Variants in ARHGAP24 observed in about 807,000 individuals in gnomAD.
The protein encoded by ARHGAP24 is Rho GTPase activating protein 24.
A neutral mutation model predicts 76.4 loss-of-function variants in ARHGAP24; 50 were observed. That is an observed-to-expected ratio of 0.65 (90% CI 0.52 to 0.83). The LOEUF (loss-of-function observed/expected upper bound fraction) is 0.83. Ranked by LOEUF, ARHGAP24 falls within the 40% of genes least tolerant of loss-of-function variation. The pLI is 0.00. For missense variants in ARHGAP24, 930 were observed against 914.2 expected, an observed-to-expected ratio of 1.02 and a Z score of -0.22; for synonymous variants, 345 against 323.3, an observed-to-expected ratio of 1.07 and a Z score of -0.72.
chr4:85,661,195 A>T (rs1233674572), intron 2 of ARHGAP24, among the ~76,000 whole-genome samples: 1 of 152,232 alleles, frequency 6.6e-6, no homozygotes, highest in Non-Finnish European at 1.5e-5. Flanking sequence ...ACTGTCAGAA[A>T]CACAAAATAC....
intron 3 of ARHGAP24, among the ~76,000 whole-genome samples, chr4:85,805,648 T>G (rs1282564618): frequency 1.3e-5 from 2 of 152,262 alleles, no homozygotes; most frequent in Non-Finnish European, 2.9e-5. Context: ...GCTTTATGGC[T>G]TGAAATACTT....
rs183085088 is a variant in ARHGAP24 at position 85,497,766 on chromosome 4, G to A, written c.-21+22207G>A. On this transcript the variant is annotated intron_variant, in intron 1 of 9. Coordinates refer to ENST00000395184, the MANE Select transcript of ARHGAP24 (RefSeq NM_001025616.3). Reference sequence around the variant, plus strand: ...ACCCAGGAGGTGGAGGTTGCGGTGAGCCAAGATCGTGCCATTGCACTCCAG... The same window carrying A: ...ACCCAGGAGGTGGAGGTTGCGGTGAACCAAGATCGTGCCATTGCACTCCAG... Among the ~76,000 whole-genome samples the A allele has an allele frequency of 3.2e-3, 482 of 152,216 alleles. 4 individuals carry two copies. Among genetic ancestry groups the A allele is most frequent in the African/African-American group, 0.01 (432 of 41,524 alleles).
chr4:85,738,353 T>C (rs958463060), intron 3 of ARHGAP24, among the ~76,000 whole-genome samples: 3 of 149,578 alleles, frequency 2.0e-5, no homozygotes, highest in Admixed American at 1.3e-4. Flanking sequence ...TTTGGCCTAG[T>C]TTTCATTTGG....
intron 3 of ARHGAP24, among the ~76,000 whole-genome samples, chr4:85,770,947 A>G (rs1216443709): frequency 6.6e-6 from 1 of 152,150 alleles, no homozygotes; most frequent in Non-Finnish European, 1.5e-5. Context: ...ATTAATATTG[A>G]CTTACTAATG....
Position 86,000,727 on chromosome 4 carries a change from G to T in ARHGAP24, c.*5G>T, listed in dbSNP as rs778958623. 1 of 1,613,666 alleles carries T rather than the reference G, an allele frequency of 6.2e-7. No homozygotes were observed. The highest frequency in any genetic ancestry group is 1.1e-5 in the South Asian group (1 of 91,044). On this transcript the variant is annotated 3_prime_UTR_variant, in exon 10 of 10. Coordinates refer to ENST00000395184, the MANE Select transcript of ARHGAP24 (RefSeq NM_001025616.3). The stretch of plus-strand genomic sequence containing the variant: ...AACACAATATGGATTCAGTGAGCCT[G>T]CTTTCGCCTGCTGTCTCTGATGGCT...
chr4:85,981,070 G>A (rs545247602), intron 8 of ARHGAP24, among the ~76,000 whole-genome samples: 31 of 152,212 alleles, frequency 2.0e-4, no homozygotes, highest in African/African-American at 6.5e-4. Context: ...GTGCAGAGAC[G>A]GCTGTCTGTA....
At chr4:85,850,849 G>A (rs1731181594) in intron 3 of ARHGAP24, among the ~76,000 whole-genome samples, 1 of 152,152 alleles carries the variant, frequency 6.6e-6, no homozygotes, top group African/African-American at 2.4e-5. Flanking sequence ...TACATTTGCT[G>A]AGAAGTACTT....
intron 3 of ARHGAP24, among the ~76,000 whole-genome samples, chr4:85,882,539 T>C (rs1733318104): frequency 6.6e-6 from 1 of 152,184 alleles, no homozygotes; most frequent in Non-Finnish European, 1.5e-5. Context: ...TTTTGTTCCC[T>C]AGTTTTTGAT....
chr4:85,621,164 C>T (rs1720703759), intron 2 of ARHGAP24, among the ~76,000 whole-genome samples: 1 of 152,050 alleles, frequency 6.6e-6, no homozygotes, highest in South Asian at 2.1e-4. Context: ...ACATATTCTT[C>T]ATCCGATCCA....
At chr4:85,534,831 G>A (rs1260733906) in intron 1 of ARHGAP24, among the ~76,000 whole-genome samples, 1 of 151,790 alleles carries the variant, frequency 6.6e-6, no homozygotes, top group Non-Finnish European at 1.5e-5. Context: ...AAGGCAGTCG[G>A]TGAAAGTGAC....
chr4:85,884,223 C>G (rs529627833), intron 3 of ARHGAP24, among the ~76,000 whole-genome samples: 1 of 152,202 alleles, frequency 6.6e-6, no homozygotes, highest in African/African-American at 2.4e-5. Context: ...AATTTTTGCT[C>G]TAAGGTTCTC....
intron 3 of ARHGAP24, among the ~76,000 whole-genome samples, chr4:85,859,430 G>A (rs1731764656): frequency 6.6e-6 from 1 of 152,074 alleles, no homozygotes; most frequent in South Asian, 2.1e-4. Flanking sequence ...ATAGAAAATG[G>A]TAACAGAGTA....
intron 5 of ARHGAP24, among the ~76,000 whole-genome samples, chr4:85,963,836 C>G (rs1365356628): frequency 6.6e-6 from 1 of 152,034 alleles, no homozygotes; most frequent in Non-Finnish European, 1.5e-5. Flanking sequence ...AAAAGCTATA[C>G]AACAATTCAT....
intron 3 of ARHGAP24, among the ~76,000 whole-genome samples, chr4:85,852,150 TTTTA>T (rs1297542895): frequency 6.6e-6 from 1 of 152,224 alleles, no homozygotes; most frequent in African/African-American, 2.4e-5. Flanking sequence ...GTTTGTTTCA[TTTTA>T]CTCTTTTTCT....
chr4:85,870,243 A>G (rs1353009836), intron 3 of ARHGAP24, among the ~76,000 whole-genome samples: 1 of 152,094 alleles, frequency 6.6e-6, no homozygotes, highest in Non-Finnish European at 1.5e-5. Flanking sequence ...CTAAACTTAA[A>G]TGTTGCCAAC....
At chr4:85,585,423 C>A (rs1727816909) in intron 2 of ARHGAP24, among the ~76,000 whole-genome samples, 1 of 152,190 alleles carries the variant, frequency 6.6e-6, no homozygotes, top group Admixed American at 6.5e-5. Flanking sequence ...ACTCACCACT[C>A]ACTTTTGTGG....
chr4:85,746,404 C>T (rs72656275), intron 3 of ARHGAP24, among the ~76,000 whole-genome samples: 11,432 of 152,254 alleles, frequency 0.075, 497 homozygotes, highest in Middle Eastern at 0.1. Flanking sequence ...GCTCCTCTAC[C>T]AGCAAACCTC....
Position 85,558,719 on chromosome 4 carries a change from G to A in ARHGAP24, c.-20-11803G>A, listed in dbSNP as rs567597944. The stretch of plus-strand genomic sequence containing the variant: ...TGCTAGGCTTTAGAGCAAGCCTGAC[G>A]ATGTTCCACCCACAGGATTAATTGA... On this transcript the variant is annotated intron_variant, in intron 1 of 9. Transcript: ENST00000395184. Among the ~76,000 whole-genome samples the A allele has an allele frequency of 5.9e-5, 9 of 152,302 alleles. No homozygotes were observed. In the South Asian group the frequency reaches 1.2e-3, roughly 21 times the overall value.
In ARHGAP24 at chr4:85,651,338, A is replaced by G. The variant is rs540997550; in HGVS notation, c.181-70547A>G. Among the ~76,000 whole-genome samples the G allele has an allele frequency of 1.3e-4, 20 of 149,400 alleles. No homozygotes were observed. The East Asian group carries it at 2.3e-3, about 17-fold the overall frequency. ...AAAAGATCGATAAGGAGACTAATTCATCAGTCCAGGGATGGAAAATGTGAA... is the reference window on the plus strand; with the variant it reads ...AAAAGATCGATAAGGAGACTAATTCGTCAGTCCAGGGATGGAAAATGTGAA... On this transcript the variant is annotated intron_variant, in intron 2 of 9. Transcript: ENST00000395184.
Sources: gnomAD v4.1 joint callset for allele counts (sites outside exome capture counted in the v4.1 genomes callset) on GRCh38, gnomAD v4.1.1 for gene constraint, MANE v1.5 for transcripts, NCBI Gene and HGNC (gene_info 2026-07-23, HGNC 2026-07-21) for gene names.